The following IL1R1 variants were observed in gnomAD, a reference collection of about 807,000 sequenced individuals.
IL1R1 encodes interleukin 1 receptor type 1.
In IL1R1, 22 loss-of-function variants were observed where a neutral mutation model predicts 50.2. The observed-to-expected ratio is 0.44, with a 90% CI of 0.31 to 0.63. The LOEUF is 0.63. IL1R1 is among the 20% of genes least tolerant of loss of function. The pLI is 0.07. For synonymous variants in IL1R1, 251 were observed against 236.7 expected (o/e 1.06, Z -0.55); for missense variants, 509 against 676.2 (o/e 0.75, Z 2.74).
chr2:102,168,502 G>T, intron 6 of IL1R1, 96 bp from the exon 7 acceptor site: 1 of 949,390 alleles, frequency 1.1e-6, no homozygotes, highest in Non-Finnish European at 1.7e-6. Context: ...GGAATATCTG[G>T]CCAGAAGTCA....
upstream of IL1R1, chr2:102,104,415 T>C (rs992550723): frequency 2.0e-5 from 3 of 152,210 alleles, no homozygotes; most frequent in African/African-American, 4.8e-5. Flanking sequence ...CACAAAGTCA[T>C]GAGAGGAAAG....
upstream of IL1R1, among the ~76,000 whole-genome samples, chr2:102,101,770 T>G (rs543760353): frequency 6.6e-6 from 1 of 152,350 alleles, no homozygotes; most frequent in African/African-American, 2.4e-5. Context: ...TAGAATGACG[T>G]CTTCTGATAG....
At chr2:102,091,250 T>C (rs1679654500) in intron 1 of IL1R1, among the ~76,000 whole-genome samples, 1 of 152,222 alleles carries the variant, frequency 6.6e-6, no homozygotes, top group South Asian at 2.1e-4. Flanking sequence ...TAGTTTTTTT[T>C]CTTTCTTTCT....
intron 1 of IL1R1, among the ~76,000 whole-genome samples, chr2:102,123,362 A>G (rs1681506542): frequency 6.6e-6 from 1 of 152,234 alleles, no homozygotes; most frequent in African/African-American, 2.4e-5. Flanking sequence ...GGAATGAGGC[A>G]TACCCAGAGG....
chr2:102,098,579 A>C (rs9308851), intron 1 of IL1R1, among the ~76,000 whole-genome samples: 4,455 of 152,260 alleles, frequency 0.029, 217 homozygotes, highest in African/African-American at 0.099. Context: ...TGTTTCATCA[A>C]ATCCCTATTT....
chr2:102,172,062 GCTA>G (rs1685733251), intron 8 of IL1R1, 144 bp downstream of exon 8: 1 of 292,794 alleles, frequency 3.4e-6, no homozygotes, highest in Non-Finnish European at 5.7e-6. Flanking sequence ...TTTTTGCTAA[GCTA>G]AGTAGAATTT....
chr2:102,151,303 G>A (rs181904477), intron 1 of IL1R1, among the ~76,000 whole-genome samples: 10 of 151,758 alleles, frequency 6.6e-5, no homozygotes, highest in Non-Finnish European at 8.8e-5. Flanking sequence ...CCCCAGTGAC[G>A]GTTCCCTTGC....
intron 1 of IL1R1, among the ~76,000 whole-genome samples, chr2:102,073,852 C>T (rs1678845943): frequency 6.6e-6 from 1 of 152,090 alleles, no homozygotes; most frequent in South Asian, 2.1e-4. Flanking sequence ...AAAAAATCTC[C>T]CTTTATAGAG....
chr2:102,168,493 G>A, intron 6 of IL1R1, 105 bp from the exon 7 acceptor site: 1 of 890,400 alleles, frequency 1.1e-6, no homozygotes, highest in South Asian at 1.4e-5. Flanking sequence ...ACACTTGATG[G>A]AATATCTGGC....
At position 102,166,200 on chromosome 2, in the gene IL1R1, G is replaced by A; in HGVS notation, c.574G>A (p.Gly192Arg). Residue 192 changes from glycine to arginine, a missense_variant, in exon 6 of 12, where the codon GGG (glycine) becomes AGG (arginine). By Grantham distance (125) the Gly-to-Arg change is moderately radical. Transcript: ENST00000410023. ...GATGAATGTGGCTGAAAAGCATAGA[G>A]GGAACTATACTTGTCATGCATCCTA... ...IVMNVAEKHR[G>R]NYTCHASYTY... 1 of 1,613,152 alleles carries A rather than the reference G, an allele frequency of 6.2e-7. No individual in the cohort carries two copies. The highest frequency in any genetic ancestry group is 8.5e-7 in the Non-Finnish European group (1 of 1,179,242).
intron 1 of IL1R1, among the ~76,000 whole-genome samples, chr2:102,119,802 AT>A (rs1316100393): frequency 5.9e-5 from 9 of 152,236 alleles, no homozygotes; most frequent in African/African-American, 2.2e-4. Context: ...TTGTGTATGC[AT>A]GGTGAGAACA....
intron 3 of IL1R1, among the ~76,000 whole-genome samples, chr2:102,158,719 T>C (rs1261397980): frequency 6.6e-6 from 1 of 152,046 alleles, no homozygotes; most frequent in African/African-American, 2.4e-5. Flanking sequence ...TTTTTTAGGG[T>C]CTTGGCTTGT....
chr2:102,108,989 A>AT (rs1680591411), intron 1 of IL1R1, among the ~76,000 whole-genome samples: 1 of 146,314 alleles, frequency 6.8e-6, no homozygotes, highest in African/African-American at 2.5e-5. Flanking sequence ...AATAATAATA[A>AT]AAGCTAATAT....
intron 1 of IL1R1, among the ~76,000 whole-genome samples, chr2:102,079,309 C>A (rs1679108280): frequency 6.6e-6 from 1 of 152,092 alleles, no homozygotes; most frequent in Non-Finnish European, 1.5e-5. Context: ...TTGGAAAAAA[C>A]CAGCTCTATT....
chr2:102,153,409 A>G (rs952393169), intron 1 of IL1R1, among the ~76,000 whole-genome samples: 1 of 152,150 alleles, frequency 6.6e-6, no homozygotes, highest in African/African-American at 2.4e-5. Flanking sequence ...TGATTTCCTG[A>G]AAGTATCCTT....
At chr2:102,120,937 T>C (rs1577893835) in intron 1 of IL1R1, among the ~76,000 whole-genome samples, 1 of 152,110 alleles carries the variant, frequency 6.6e-6, no homozygotes, top group Non-Finnish European at 1.5e-5. Flanking sequence ...TAGCAGAACA[T>C]AGGTATTATG....
At chr2:102,122,597 G>A (rs915792372) in intron 1 of IL1R1, among the ~76,000 whole-genome samples, 3 of 152,172 alleles carry the variant, frequency 2.0e-5, no homozygotes, top group Admixed American at 6.5e-5. Flanking sequence ...TTGTTCAAGC[G>A]AAAAATTGTA....
intron 2 of IL1R1, among the ~76,000 whole-genome samples, chr2:102,154,541 C>G (rs1285591227): frequency 1.3e-5 from 2 of 152,140 alleles, no homozygotes; most frequent in Non-Finnish European, 2.9e-5. Flanking sequence ...GAGTCTGGCC[C>G]AGTCTGTCCC....
At chr2:102,154,764 G>A (rs1248811768) in intron 2 of IL1R1, among the ~76,000 whole-genome samples, 1 of 152,218 alleles carries the variant, frequency 6.6e-6, no homozygotes, top group Non-Finnish European at 1.5e-5. Flanking sequence ...CTTAAAACCT[G>A]TACATGCTTC....
Sources: allele counts gnomAD v4.1 joint callset (sites outside exome capture counted in the v4.1 genomes callset), GRCh38; gene constraint gnomAD v4.1.1; transcripts MANE v1.5; gene names NCBI Gene and HGNC (gene_info 2026-07-23, HGNC 2026-07-21).